The following FRAS1 variants were observed in gnomAD, a reference collection of about 807,000 sequenced individuals.
FRAS1 encodes extracellular matrix organizing protein FRAS1.
In FRAS1, 290 loss-of-function variants were observed where a neutral mutation model predicts 435.2. The observed-to-expected ratio is 0.67, with a 90% CI of 0.61 to 0.73. FRAS1 has a LOEUF of 0.73. Among genes scored for constraint, FRAS1 ranks in the 30% least tolerant of loss-of-function variants. The pLI, the probability that FRAS1 is intolerant of heterozygous loss-of-function variation, is 0.00. For synonymous variants in FRAS1, 1,800 were observed against 1,851.0 expected (o/e 0.97, Z 0.71); for missense variants, 4,860 against 5,001.5 (o/e 0.97, Z 0.85).
chr4:78,501,537 G>T (rs922135874), intron 61 of FRAS1, among the ~76,000 whole-genome samples: 1 of 152,160 alleles, frequency 6.6e-6, no homozygotes, highest in Non-Finnish European at 1.5e-5. Context: ...TTGAGGAATT[G>T]CCACACTGTC....
chr4:78,470,237 C>T (rs957408697), intron 51 of FRAS1, 146 bp downstream of exon 51: 29 of 613,084 alleles, frequency 4.7e-5, no homozygotes, highest in South Asian at 1.9e-4. Context: ...TAGTGAGCTC[C>T]GTGAGTTTGG....
chr4:78,444,283 C>A, intron 41 of FRAS1: 1 of 321,984 alleles, frequency 3.1e-6, no homozygotes, highest in Non-Finnish European at 6.2e-6. Flanking sequence ...AACTGTATAG[C>A]CTAATGATTA....
At chr4:78,515,209 G>A (rs1222016495) in intron 65 of FRAS1, among the ~76,000 whole-genome samples, 1 of 151,984 alleles carries the variant, frequency 6.6e-6, no homozygotes, top group Non-Finnish European at 1.5e-5. Flanking sequence ...GCACAGGTGA[G>A]AGTTACAGGC....
chr4:78,196,190 G>A lies in FRAS1; in HGVS notation c.109-41320G>A, dbSNP rs183456578. 6.0e-3 allele frequency among the ~76,000 whole-genome samples: 915 copies of A among 152,046 alleles called. 17 individuals carry two copies. Among genetic ancestry groups the A allele is most frequent in the African/African-American group, 0.021 (865 of 41,456 alleles). ...ACCCGGCTAATTTTTTGAATTTTTA[G>A]TAGAGATGGGGTTTCACCGTGTTAG... is the stretch of plus-strand genomic sequence containing the variant. On this transcript the variant is annotated intron_variant, in intron 2 of 73. Transcript: ENST00000512123.
At chr4:78,277,977 A>C (rs1578223979) in intron 9 of FRAS1, among the ~76,000 whole-genome samples, 1 of 151,976 alleles carries the variant, frequency 6.6e-6, no homozygotes, top group African/African-American at 2.4e-5. Context: ...GCCCCCAGCA[A>C]ATTTTTTGTA....
At chr4:78,449,450 A>G (rs1355803102) in intron 44 of FRAS1, among the ~76,000 whole-genome samples, 3 of 152,174 alleles carry the variant, frequency 2.0e-5, no homozygotes, top group Non-Finnish European at 4.4e-5. Flanking sequence ...ACCCACTAAG[A>G]ACATGTCACT....
intron 19 of FRAS1, among the ~76,000 whole-genome samples, chr4:78,334,199 G>T (rs764094217): frequency 5.3e-5 from 8 of 151,948 alleles, no homozygotes; most frequent in Non-Finnish European, 1.0e-4. Flanking sequence ...GGGGGTTTGG[G>T]GATAAAGATA....
At chr4:78,271,436 G>A (rs987429828) in intron 9 of FRAS1, among the ~76,000 whole-genome samples, 1 of 152,060 alleles carries the variant, frequency 6.6e-6, no homozygotes, top group Non-Finnish European at 1.5e-5. Context: ...TTAGCATTAG[G>A]TATATCTCCT....
chr4:78,454,862 G>C (rs1426116337), intron 47 of FRAS1, among the ~76,000 whole-genome samples: 1 of 152,166 alleles, frequency 6.6e-6, no homozygotes, highest in East Asian at 1.9e-4. Flanking sequence ...TTAAAATCTG[G>C]TTACTGAAAC....
chr4:78,414,577 A>G (rs1021256401), intron 32 of FRAS1, among the ~76,000 whole-genome samples: 1 of 152,232 alleles, frequency 6.6e-6, no homozygotes, highest in Non-Finnish European at 1.5e-5. Flanking sequence ...ATAAAAATGC[A>G]TTCTCAATTT....
intron 2 of FRAS1, among the ~76,000 whole-genome samples, chr4:78,100,396 A>G (rs1742062583): frequency 6.6e-6 from 1 of 152,242 alleles, no homozygotes; most frequent in East Asian, 1.9e-4. Flanking sequence ...GCTTTCCTGC[A>G]GTTGCTCCAC....
chr4:78,307,659 A>C (rs1728830771), intron 14 of FRAS1, among the ~76,000 whole-genome samples: 1 of 152,148 alleles, frequency 6.6e-6, no homozygotes, highest in Non-Finnish European at 1.5e-5. Flanking sequence ...TAGGAAGGGG[A>C]ACTCCCTGAC....
intron 2 of FRAS1, among the ~76,000 whole-genome samples, chr4:78,067,039 G>GA (rs1216248110): frequency 6.6e-6 from 1 of 151,910 alleles, no homozygotes; most frequent in African/African-American, 2.4e-5. Flanking sequence ...TATATTTTAG[G>GA]AATCATTTGC....
chr4:78,164,786 G>A (rs1721271591), intron 2 of FRAS1, among the ~76,000 whole-genome samples: 1 of 151,942 alleles, frequency 6.6e-6, no homozygotes, highest in Admixed American at 6.6e-5. Flanking sequence ...CCTTTAAAAA[G>A]TAACATCTTA....
At chr4:78,227,966 A>G (rs1168050202) in intron 2 of FRAS1, among the ~76,000 whole-genome samples, 1 of 152,222 alleles carries the variant, frequency 6.6e-6, no homozygotes, top group African/African-American at 2.4e-5. Context: ...AGTGCCTGCT[A>G]TGTTTTAGTC....
chr4:78,418,677 C>T (rs1578311551), intron 32 of FRAS1, among the ~76,000 whole-genome samples: 2 of 152,162 alleles, frequency 1.3e-5, no homozygotes, highest in African/African-American at 2.4e-5. Flanking sequence ...GAATCCCAAC[C>T]GCGTGCACTG....
intron 4 of FRAS1, among the ~76,000 whole-genome samples, chr4:78,251,109 T>TCTTTG (rs1191963350): frequency 1.3e-5 from 2 of 152,238 alleles, no homozygotes; most frequent in Admixed American, 1.3e-4. Context: ...TTAAGTTCTT[T>TCTTTG]CTTTGCTTTC....
In FRAS1 at chr4:78,379,939, G is replaced by A; in HGVS notation, c.3506G>A (p.Ser1169Asn). 1 of 1,613,900 alleles carries A rather than the reference G, an allele frequency of 6.2e-7. No individual in the cohort carries two copies. Among genetic ancestry groups the A allele is most frequent in the South Asian group, 1.1e-5 (1 of 91,048 alleles). The change falls in exon 27 of 74, where the codon AGC becomes AAC. Residue 1169 changes from serine (S) to asparagine (N), a missense_variant. Ser to Asn is a conservative substitution (Grantham distance 46). Coordinates refer to ENST00000512123, the MANE Select transcript of FRAS1 (RefSeq NM_025074.7). ...EVQLDKAGRF[S>N]WKDVNEKKVR... The stretch of plus-strand genomic sequence containing the variant: ...CAGCTGGACAAGGCTGGCCGTTTTA[G>A]CTGGAAAGATGTGAACGAGAAGAAA...
chr4:78,388,339 A>C (rs1380290632), intron 29 of FRAS1, among the ~76,000 whole-genome samples: 1 of 151,788 alleles, frequency 6.6e-6, no homozygotes, highest in Non-Finnish European at 1.5e-5. Flanking sequence ...ACCAAAAAAA[A>C]AAAAAAACAA....
Sources: allele counts gnomAD v4.1 joint callset (sites outside exome capture counted in the v4.1 genomes callset), GRCh38; gene constraint gnomAD v4.1.1; transcripts MANE v1.5; gene names NCBI Gene and HGNC (gene_info 2026-07-23, HGNC 2026-07-21).